The following ABCA13 variants were observed in gnomAD, a reference collection of about 807,000 sequenced individuals.
ABCA13 encodes ATP-binding cassette sub-family A member 13.
A neutral mutation model predicts 478.7 loss-of-function variants in ABCA13; 476 were observed. The observed-to-expected ratio is 0.99, with a 90% CI of 0.92 to 1.07. The LOEUF (loss-of-function observed/expected upper bound fraction) is 1.07, where lower values mean the gene tolerates loss of function less well. ABCA13 is among the 50% of genes least tolerant of loss of function. The pLI is 0.00. For missense variants in ABCA13, 6,060 were observed against 5,910.6 expected, an observed-to-expected ratio of 1.03 and a Z score of -0.83; for synonymous variants, 2,252 against 2,158.9, an observed-to-expected ratio of 1.04 and a Z score of -1.20.
intron 48 of ABCA13, among the ~76,000 whole-genome samples, chr7:48,490,068 T>C (rs1829706496): frequency 6.6e-6 from 1 of 152,236 alleles, no homozygotes; most frequent in African/African-American, 2.4e-5. Context: ...TAATATGCTC[T>C]CACTTTATTT....
chr7:48,447,980 A>G lies in ABCA13; in HGVS notation c.12566-7057A>G, dbSNP rs113383408. 1.8e-3 allele frequency among the ~76,000 whole-genome samples: 278 copies of G among 152,220 alleles called. 1 individual carries two copies. The highest frequency in any genetic ancestry group is 6.2e-3 in the African/African-American group (258 of 41,538). ...AATTTTTCTTCTTTTTTTCAGCTATATTTATTGACCCTCACTTGTGCCAGA... is the reference window on the plus strand; with the variant it reads ...AATTTTTCTTCTTTTTTTCAGCTATGTTTATTGACCCTCACTTGTGCCAGA... On this transcript the variant is annotated intron_variant, in intron 42 of 61. Coordinates refer to ENST00000435803, the MANE Select transcript of ABCA13 (RefSeq NM_152701.5).
chr7:48,435,950 T>C (rs1325840398), intron 42 of ABCA13, among the ~76,000 whole-genome samples: 1 of 150,668 alleles, frequency 6.6e-6, no homozygotes, highest in African/African-American at 2.4e-5. Context: ...TCAATATTCA[T>C]AAGGAATATT....
At chr7:48,282,331 A>G (rs572487539) in intron 19 of ABCA13, among the ~76,000 whole-genome samples, 61 of 152,346 alleles carry the variant, frequency 4.0e-4, no homozygotes, top group African/African-American at 1.4e-3. Flanking sequence ...CAGTTGTTTA[A>G]GTAATTCACA....
chr7:48,642,088 C>T (rs1190864249), intron 59 of ABCA13, among the ~76,000 whole-genome samples: 2 of 152,126 alleles, frequency 1.3e-5, no homozygotes, highest in African/African-American at 4.8e-5. Flanking sequence ...AGATTAGAAA[C>T]CATTAACTCG....
At chr7:48,536,597 A>C (rs1230612127) in intron 55 of ABCA13, among the ~76,000 whole-genome samples, 1 of 151,974 alleles carries the variant, frequency 6.6e-6, no homozygotes, top group Non-Finnish European at 1.5e-5. Context: ...GCAGTGAGCC[A>C]AGATCACACC....
At position 48,313,116 on chromosome 7, in the gene ABCA13, T is replaced by C. The variant is rs1802013971; in HGVS notation, c.9566T>C (p.Ile3189Thr). 6.2e-7 allele frequency: 1 copy of C among 1,612,590 alleles called. No homozygotes were observed. The change falls in exon 25 of 62, where the codon ATA becomes ACA. Residue 3189 changes from isoleucine (I) to threonine (T), a missense_variant. Ile to Thr is a moderately conservative substitution (Grantham distance 89). Coordinates refer to ENST00000435803, the MANE Select transcript of ABCA13 (RefSeq NM_152701.5). ...GGCTTGCTCAACTCCTTGCTGGATA[T>C]AGTTTCCAGCCTCAGCGCCTTGCTT... ...ANGLLNSLLD[I>T]VSSLSALLAK...
intron 5 of ABCA13, among the ~76,000 whole-genome samples, chr7:48,224,501 C>T (rs1044636932): frequency 6.6e-6 from 1 of 152,232 alleles, no homozygotes; most frequent in African/African-American, 2.4e-5. Context: ...CCCTCTTTCC[C>T]TCTTTCCCCA....
chr7:48,349,569 A>C (rs1388625240), intron 29 of ABCA13, among the ~76,000 whole-genome samples: 1 of 152,166 alleles, frequency 6.6e-6, no homozygotes, highest in Non-Finnish European at 1.5e-5. Context: ...CACCCCTTTC[A>C]AACATGGGCT....
intron 31 of ABCA13, among the ~76,000 whole-genome samples, chr7:48,366,010 T>C (rs1000210233): frequency 2.6e-5 from 4 of 152,070 alleles, no homozygotes; most frequent in African/African-American, 9.7e-5. Flanking sequence ...AAAACTTATA[T>C]GGAACCACAA....
chr7:48,226,744 A>T (rs973737763), intron 5 of ABCA13, among the ~76,000 whole-genome samples: 1 of 152,182 alleles, frequency 6.6e-6, no homozygotes, highest in Non-Finnish European at 1.5e-5. Context: ...CATTCTTGGC[A>T]TATAATAAGA....
chr7:48,636,668 G>A (rs1381851915), intron 59 of ABCA13, among the ~76,000 whole-genome samples: 2 of 152,148 alleles, frequency 1.3e-5, no homozygotes, highest in African/African-American at 4.8e-5. Flanking sequence ...ATAATTCCAT[G>A]AATTTAGTAA....
intron 45 of ABCA13, among the ~76,000 whole-genome samples, chr7:48,478,484 TG>T (rs1828394257): frequency 6.6e-6 from 1 of 151,940 alleles, no homozygotes; most frequent in African/African-American, 2.4e-5. Context: ...TCTTTTAACA[TG>T]TACAGGGGGA....
chr7:48,430,589 G>T (rs1822007998), intron 42 of ABCA13, among the ~76,000 whole-genome samples: 1 of 150,496 alleles, frequency 6.6e-6, no homozygotes, highest in Non-Finnish European at 1.5e-5. Context: ...GCAGAGAATT[G>T]CTTGGACCCG....
At chr7:48,368,957 A>G (rs1812207638) in intron 32 of ABCA13, among the ~76,000 whole-genome samples, 1 of 152,032 alleles carries the variant, frequency 6.6e-6, no homozygotes, top group Middle Eastern at 3.4e-3. Context: ...ATCTACTTTT[A>G]GTTCTTTAAG....
At chr7:48,225,526 C>T (rs1353826668) in intron 5 of ABCA13, among the ~76,000 whole-genome samples, 2 of 152,104 alleles carry the variant, frequency 1.3e-5, no homozygotes, top group Non-Finnish European at 2.9e-5. Context: ...CTAATAATGT[C>T]CTTAACAGCA....
intron 5 of ABCA13, among the ~76,000 whole-genome samples, chr7:48,222,556 A>G (rs4917139): frequency 0.26 from 39,318 of 152,126 alleles, 6,446 homozygotes; most frequent in Non-Finnish European, 0.38. Flanking sequence ...GTTGACCTTG[A>G]TGGCCTTCTT....
intron 45 of ABCA13, among the ~76,000 whole-genome samples, chr7:48,473,589 G>A (rs1300065148): frequency 6.6e-6 from 1 of 152,118 alleles, no homozygotes; most frequent in East Asian, 1.9e-4. Flanking sequence ...AGAGTGGGTG[G>A]TTACAAAAGT....
chr7:48,472,901 T>G (rs972091263), intron 45 of ABCA13, among the ~76,000 whole-genome samples: 3 of 152,172 alleles, frequency 2.0e-5, no homozygotes, highest in Non-Finnish European at 4.4e-5. Flanking sequence ...ATTTTCATGC[T>G]GCTGATAAAG....
intron 3 of ABCA13, 132 bp downstream of exon 3, chr7:48,198,492 AT>A: frequency 9.2e-7 from 1 of 1,090,468 alleles, no homozygotes; most frequent in Non-Finnish European, 1.3e-6. Flanking sequence ...TTAAAGTTTT[AT>A]TAAATTCAGA....
Sources: gnomAD v4.1 joint callset for allele counts (sites outside exome capture counted in the v4.1 genomes callset) on GRCh38, gnomAD v4.1.1 for gene constraint, MANE v1.5 for transcripts, NCBI Gene and HGNC (gene_info 2026-07-23, HGNC 2026-07-21) for gene names.